Variants in YAP1 observed in about 807,000 individuals in gnomAD.
YAP1 encodes the protein transcriptional coactivator YAP1.
A neutral mutation model predicts 56.9 loss-of-function variants in YAP1; 5 were observed. The ratio of observed to expected loss-of-function variants is 0.09; its 90% CI spans 0.05 to 0.18. The LOEUF is 0.18. YAP1 is among the 10% of genes least tolerant of loss of function. YAP1 has a pLI of 1.00. For synonymous variants in YAP1, 265 were observed against 248.1 expected, an observed-to-expected ratio of 1.07 and a Z score of -0.64; for missense variants, 539 against 651.8, an observed-to-expected ratio of 0.83 and a Z score of 1.88.
At chr11:102,126,388 AGT>A (rs1491352585) in intron 2 of YAP1, among the ~76,000 whole-genome samples, 1 of 152,214 alleles carries the variant, frequency 6.6e-6, no homozygotes, top group East Asian at 1.9e-4. Context: ...GGACAAACCC[AGT>A]GGGAGGTAAT....
intron 3 of YAP1, among the ~76,000 whole-genome samples, chr11:102,171,666 G>T (rs958060757): frequency 1.9e-4 from 29 of 152,168 alleles, no homozygotes; most frequent in African/African-American, 6.5e-4. Flanking sequence ...TTGCATATTA[G>T]TAGGCTCACT....
At chr11:102,222,551 A>G (rs963930281) in intron 6 of YAP1, among the ~76,000 whole-genome samples, 2 of 152,186 alleles carry the variant, frequency 1.3e-5, no homozygotes, top group Admixed American at 1.3e-4. Flanking sequence ...CAGAGTAGCA[A>G]CCTACAGCCT....
At chr11:102,177,374 A>G (rs1947321615) in intron 3 of YAP1, among the ~76,000 whole-genome samples, 1 of 152,178 alleles carries the variant, frequency 6.6e-6, no homozygotes, top group Admixed American at 6.5e-5. Context: ...TGGTACATAC[A>G]AAGTTTAATG....
At chr11:102,227,654 T>C in intron 8 of YAP1, 73 bp downstream of exon 8, 2 of 1,005,980 alleles carry the variant, frequency 2.0e-6, no homozygotes, top group East Asian at 2.5e-5. Context: ...TCATAAGGTA[T>C]TGTAAGCAAA....
chr11:102,172,215 T>G (rs997602865), intron 3 of YAP1, among the ~76,000 whole-genome samples: 1 of 147,984 alleles, frequency 6.8e-6, no homozygotes, highest in Non-Finnish European at 1.5e-5. Flanking sequence ...AAAGAAAAAG[T>G]TGTGGCAGAT....
At chr11:102,164,857 G>A (rs571652593) in intron 3 of YAP1, among the ~76,000 whole-genome samples, 4 of 152,078 alleles carry the variant, frequency 2.6e-5, no homozygotes, top group Non-Finnish European at 5.9e-5. Flanking sequence ...TGAGTAGCTG[G>A]GATTATAGGA....
rs566588670 is a variant in YAP1, at chr11:102,182,011, G to A, written c.689-4007G>A. On this transcript the variant is annotated intron_variant, in intron 3 of 8. Coordinates refer to ENST00000282441, the MANE Select transcript of YAP1 (RefSeq NM_001130145.3). ...AATTTTTTGTATTTTTAGTAGAGAC[G>A]GGGTTTCACCATGTTAGTCAGGCTG... is the stretch of plus-strand genomic sequence containing the variant. Among the ~76,000 whole-genome samples the A allele has an allele frequency of 1.3e-4, 20 of 152,136 alleles. No individual in the cohort carries two copies. In the South Asian group the frequency reaches 2.5e-3, roughly 19 times the overall value.
chr11:102,165,834 A>T (rs1175399313), intron 3 of YAP1, among the ~76,000 whole-genome samples: 1 of 152,206 alleles, frequency 6.6e-6, no homozygotes, highest in Non-Finnish European at 1.5e-5. Context: ...ACAAGGAACC[A>T]CTAACGAACG....
chr11:102,197,466 T>G (rs890710761), intron 4 of YAP1, among the ~76,000 whole-genome samples: 2 of 152,146 alleles, frequency 1.3e-5, no homozygotes, highest in East Asian at 1.9e-4. Flanking sequence ...ATCTAAAAAT[T>G]GTCTGAAGTT....
rs548912165 is a variant in YAP1 at position 102,119,933 on chromosome 11, T to C, written c.572+5539T>C. On this transcript the variant is annotated intron_variant, in intron 2 of 8. Transcript: ENST00000282441. ...TATTCAAACTTAATGCTACCCTCTG[T>C]AATAGCATAATTTAGCCATTAATTG... Among the ~76,000 whole-genome samples the C allele has an allele frequency of 7.9e-5, 12 of 152,352 alleles. No individual in the cohort carries two copies. In the South Asian group the frequency reaches 2.5e-3, roughly 32 times the overall value.
chr11:102,166,668 A>G (rs1946630385), intron 3 of YAP1, among the ~76,000 whole-genome samples: 1 of 152,246 alleles, frequency 6.6e-6, no homozygotes, highest in Non-Finnish European at 1.5e-5. Context: ...GCCTTCACAT[A>G]AAAGAGAAAG....
intron 3 of YAP1, among the ~76,000 whole-genome samples, chr11:102,173,569 C>A (rs1327775246): frequency 6.6e-6 from 1 of 152,134 alleles, no homozygotes; most frequent in African/African-American, 2.4e-5. Flanking sequence ...TACTGGGAGC[C>A]ATGACCTGTG....
In YAP1 at chr11:102,201,487, A is replaced by T. The variant is rs554149183; in HGVS notation, c.803-4406A>T. Among the ~76,000 whole-genome samples the T allele has an allele frequency of 2.0e-5, 3 of 152,354 alleles. No homozygotes were observed. In the East Asian group the frequency reaches 5.8e-4, roughly 29 times the overall value. ...AATGTCATAAGTACACCTGTATTTC[A>T]GGTGGTTGGCTAATTATAGAAGAAT... On this transcript the variant is annotated intron_variant, in intron 4 of 8. Coordinates refer to ENST00000282441, the MANE Select transcript of YAP1 (RefSeq NM_001130145.3).
chr11:102,190,123 A>G (rs1443186121), intron 4 of YAP1, among the ~76,000 whole-genome samples: 1 of 152,194 alleles, frequency 6.6e-6, no homozygotes, highest in East Asian at 1.9e-4. Context: ...AATTTTATCA[A>G]AGCAAGTCTC....
chr11:102,198,035 A>G (rs1158648203), intron 4 of YAP1, among the ~76,000 whole-genome samples: 1 of 152,230 alleles, frequency 6.6e-6, no homozygotes, highest in Non-Finnish European at 1.5e-5. Context: ...TGAATTGGTC[A>G]TTTAAGTGAG....
intron 2 of YAP1, among the ~76,000 whole-genome samples, chr11:102,150,092 C>G (rs1383724293): frequency 7.1e-6 from 1 of 141,844 alleles, no homozygotes; most frequent in Non-Finnish European, 1.5e-5. Flanking sequence ...TCAAGCGATT[C>G]TCCTGCCTCA....
chr11:102,229,993 G>A lies in YAP1; in HGVS notation c.*53G>A, dbSNP rs1591487170. ...CTGTGAAGGATCTAAGGAGACACAT[G>A]CACCGGAAATTTCCATAAGCCAGTT... On this transcript the variant is annotated 3_prime_UTR_variant, in exon 9 of 9. Transcript: ENST00000282441. 1 of 1,502,182 alleles carries A rather than the reference G, an allele frequency of 6.7e-7. No homozygotes were observed. Among genetic ancestry groups the A allele is most frequent in the East Asian group, 2.3e-5 (1 of 44,106 alleles). 93.1% of individuals were successfully genotyped at this position (1,502,182 alleles called of 1,614,324 possible). A position where few individuals can be genotyped will look rare whatever the true frequency, so the allele number is the denominator to read the frequency against.
Position 102,162,374 on chromosome 11 carries a change from CT to C in YAP1, c.573-79del, listed in dbSNP as rs1176019406. Reference sequence around the variant, plus strand: ...GCTTTTACAGAGCTCGCTTGGCACCCTTTGATTATGAGCCCACAAGATAAGA... The same window carrying C: ...GCTTTTACAGAGCTCGCTTGGCACCCTTGATTATGAGCCCACAAGATAAGA... On this transcript the variant is annotated intron_variant, in intron 2 of 8. Coordinates refer to ENST00000282441, the MANE Select transcript of YAP1 (RefSeq NM_001130145.3). 2.5e-6 allele frequency: 3 copies of C among 1,221,322 alleles called. No homozygotes were observed. In the African/African-American group the frequency reaches 4.5e-5, roughly 18 times the overall value. The allele number at this position is 1,221,322 out of a possible 1,614,324, so 75.7% of individuals were successfully genotyped here. A position where few individuals can be genotyped will look rare whatever the true frequency, so the allele number is the denominator to read the frequency against.
chr11:102,154,971 C>T (rs1945857245), intron 2 of YAP1, among the ~76,000 whole-genome samples: 1 of 152,112 alleles, frequency 6.6e-6, no homozygotes, highest in South Asian at 2.1e-4. Flanking sequence ...GGATAACATA[C>T]TTTGTTTTGC....
Sources: gnomAD v4.1 joint callset for allele counts (sites outside exome capture counted in the v4.1 genomes callset) on GRCh38, gnomAD v4.1.1 for gene constraint, MANE v1.5 for transcripts, NCBI Gene and HGNC (gene_info 2026-07-23, HGNC 2026-07-21) for gene names.